Variants in SEMA3B observed in about 807,000 individuals in gnomAD.
The protein encoded by SEMA3B is semaphorin 3B, also known as semaphorin-3B.
SEMA3B carries 71 observed loss-of-function variants against 77.8 expected under a neutral mutation model. The ratio of observed to expected loss-of-function variants is 0.91; its 90% CI spans 0.75 to 1.11. The LOEUF (loss-of-function observed/expected upper bound fraction) is 1.11. SEMA3B is among the 50% of genes most tolerant of loss of function. SEMA3B has a pLI of 0.00. For missense variants in SEMA3B, 968 were observed against 1,056.8 expected, an observed-to-expected ratio of 0.92 and a Z score of 1.17; for synonymous variants, 470 against 452.9, an observed-to-expected ratio of 1.04 and a Z score of -0.48.
chr3:50,274,256 G>T lies in SEMA3B; in HGVS notation c.1138-107G>T. On this transcript the variant is annotated intron_variant, in intron 10 of 16. Transcript: ENST00000616701. The surrounding 1 kb of genome is among the most constrained non-coding windows in gnomAD (Gnocchi z 4.7). ...TCTCCTCTCTAATTCTCAGGGCAGG[G>T]TTCTGTCCCCATCCCCCTCCATGTT... 3 of 1,238,700 alleles carry T rather than the reference G, an allele frequency of 2.4e-6. No homozygotes were observed. Among genetic ancestry groups the T allele is most frequent in the South Asian group, 1.5e-5 (1 of 65,950 alleles). The allele number at this position is 1,238,700 out of a possible 1,614,324, so 76.7% of individuals were successfully genotyped here. A position where few individuals can be genotyped will look rare whatever the true frequency, so the allele number is the denominator to read the frequency against.
chr3:50,270,726 G>T lies in SEMA3B; in HGVS notation c.331-164G>T. The T allele has an allele frequency of 7.9e-7, 1 of 1,268,182 alleles. No homozygotes were observed. 78.6% of individuals were successfully genotyped at this position (1,268,182 alleles called of 1,614,324 possible). A position where few individuals can be genotyped will look rare whatever the true frequency, so the allele number is the denominator to read the frequency against. On this transcript the variant is annotated intron_variant, in intron 3 of 16. Transcript: ENST00000616701. This position sits in a 1 kb window ranked among gnomAD's most constrained non-coding sequence, Gnocchi z 4.7. Reference sequence around the variant, plus strand: ...TGTGCTTCCCCAGACACCCACCCTCGTGAGGCCTGGGCTGGTCAGCAAGGG... The same window carrying T: ...TGTGCTTCCCCAGACACCCACCCTCTTGAGGCCTGGGCTGGTCAGCAAGGG...
rs993504085 is a variant in SEMA3B, at chr3:50,271,122, A to G, written c.485A>G (p.Glu162Gly). The G allele has an allele frequency of 1.9e-6, 3 of 1,584,916 alleles. No homozygotes were observed. The highest frequency in any genetic ancestry group is 2.6e-6 in the Non-Finnish European group (3 of 1,165,682). Residue 162 changes from glutamate (E) to glycine (G), a missense_variant, in exon 5 of 17, where the codon GAG (glutamate) becomes GGG (glycine). Transcript: ENST00000616701. ...CTCCGGCTGGACCCAGGAAGGATAG[A>G]GGATGGCAAGGGGAAGAGTCCTTAT... ...PVLRLDPGRIEDGKGKSPYDP... is the reference protein window; with the variant it reads ...PVLRLDPGRIGDGKGKSPYDP...
In SEMA3B at chr3:50,276,334, C is replaced by G. The variant is rs1553706698; in HGVS notation, c.1878C>G (p.Ala626=). 1 of 1,528,702 alleles carries G rather than the reference C, an allele frequency of 6.5e-7. No homozygotes were observed. Among genetic ancestry groups the G allele is most frequent in the East Asian group, 2.5e-5 (1 of 40,510 alleles). 94.7% of individuals were successfully genotyped at this position (1,528,702 alleles called of 1,614,324 possible). The change falls in exon 17 of 17, where the codon GCC becomes GCG. Residue 626 remains alanine (A), a synonymous_variant. Transcript: ENST00000616701. The surrounding 1 kb of genome is among the most constrained non-coding windows in gnomAD (Gnocchi z 5.8). ...VLAEERTERT[A]RGLLLRRLRR... ...CAGAGGAGCGCACCGAGCGCACCGC[C>G]CGGGGACTACTGCTGCGCAGGCTGC... is the stretch of plus-strand genomic sequence containing the variant.
chr3:50,275,335 GC>G lies in SEMA3B; in HGVS notation c.1528del (p.Gln510ArgfsTer48). The G allele has an allele frequency of 6.3e-7, 1 of 1,580,088 alleles. No homozygotes were observed. ...GTACGTAGCCTCGCGGAGCGCGGTG[GC>G]CCAGATCGCGTTGCACCGCTGCGCT... ...QLYVASRSAV[A>X]QIALHRCAAH... is the part of the protein sequence containing the mutation. On this transcript the variant is annotated frameshift_variant, in exon 14 of 17. Transcript: ENST00000616701. LOFTEE classifies it high-confidence loss of function. The surrounding 1 kb of genome is among the most constrained non-coding windows in gnomAD (Gnocchi z 7.5).
upstream of SEMA3B, chr3:50,266,602 G>A (rs1245527206): frequency 6.6e-6 from 1 of 152,302 alleles, no homozygotes; most frequent in Non-Finnish European, 1.5e-5. Flanking sequence ...GGAGGTGGTA[G>A]GAAAATGCCT....
At position 50,274,930 on chromosome 3, in the gene SEMA3B, T is replaced by A. The variant is rs1701181319; in HGVS notation, c.1445T>A (p.Phe482Tyr). 2 of 1,608,948 alleles carry A rather than the reference T, an allele frequency of 1.2e-6. No homozygotes were observed. The highest frequency in any genetic ancestry group is 1.7e-5 in the Admixed American group (1 of 59,738). ...CTGCTCCTGGAGGAGCTGCACGTGTTTGAGGTGAGGCCTCACCCCCAGTCG... is the reference window on the plus strand; with the variant it reads ...CTGCTCCTGGAGGAGCTGCACGTGTATGAGGTGAGGCCTCACCCCCAGTCG... Reference protein sequence around the residue: ...EGLLLEELHVFEDSAAVTSMQ... With the variant: ...EGLLLEELHVYEDSAAVTSMQ... Residue 482 changes from phenylalanine (F) to tyrosine (Y), a missense_variant, in exon 12 of 17, where the codon TTT (phenylalanine) becomes TAT (tyrosine). Physicochemically the swap from Phe to Tyr is conservative, Grantham distance 22. Coordinates refer to ENST00000616701, the MANE Select transcript of SEMA3B (RefSeq NM_001290060.2). This position sits in a 1 kb window ranked among gnomAD's most constrained non-coding sequence, Gnocchi z 4.7.
At position 50,274,134 on chromosome 3, in the gene SEMA3B, G is replaced by C. The variant is rs1192713003; in HGVS notation, c.1137+77G>C. The C allele has an allele frequency of 6.4e-7, 1 of 1,562,424 alleles. No homozygotes were observed. Among genetic ancestry groups the C allele is most frequent in the African/African-American group, 1.4e-5 (1 of 72,050 alleles). The stretch of plus-strand genomic sequence containing the variant: ...TGAGAACTTGGCCTGGGGTCTTCTT[G>C]GTGAATGTGGTTTCTTCCTTTAGTT... On this transcript the variant is annotated intron_variant, in intron 10 of 16. Transcript: ENST00000616701. This position sits in a 1 kb window ranked among gnomAD's most constrained non-coding sequence, Gnocchi z 4.7.
chr3:50,269,103 C>A (rs1235522530), upstream of SEMA3B: 1 of 657,884 alleles, frequency 1.5e-6, no homozygotes, highest in Non-Finnish European at 2.7e-6. The surrounding 1 kb of genome is among the most constrained non-coding windows in gnomAD (Gnocchi z 4.0). Context: ...TAATCTGATC[C>A]CTGGGGACTC....
In SEMA3B at chr3:50,274,909, T is replaced by A; in HGVS notation, c.1424T>A (p.Leu475His). The A allele has an allele frequency of 6.2e-6, 10 of 1,610,498 alleles. No homozygotes were observed. The highest frequency in any genetic ancestry group is 7.6e-6 in the Non-Finnish European group (9 of 1,179,610). ...KGSRPSAEGL[L>H]LEELHVFEDS... is the part of the protein sequence containing the mutation. ...AGTAGGCCCAGCGCAGAGGGGCTGC[T>A]CCTGGAGGAGCTGCACGTGTTTGAG... The change falls in exon 12 of 17, where the codon CTC becomes CAC. Residue 475 changes from leucine to histidine, a missense_variant. Physicochemically the swap from Leu to His is moderately conservative, Grantham distance 99 (BLOSUM62 -3). Transcript: ENST00000616701. This position sits in a 1 kb window ranked among gnomAD's most constrained non-coding sequence, Gnocchi z 4.7.
At position 50,276,406 on chromosome 3, in the gene SEMA3B, C is replaced by T. The variant is rs1559792185; in HGVS notation, c.1950C>T (p.Gly650=). The change falls in exon 17 of 17, where the codon GGC becomes GGT. Residue 650 remains glycine (G), a synonymous_variant. Transcript: ENST00000616701. The surrounding 1 kb of genome is among the most constrained non-coding windows in gnomAD (Gnocchi z 5.8). ...ACTTGTGCGCCGCCGTCGAGCAGGG[C>T]TTTACGCAACCGCTGCGTCGCCTGT... ...GVYLCAAVEQ[G]FTQPLRRLSL... The T allele has an allele frequency of 2.0e-6, 3 of 1,536,644 alleles. No homozygotes were observed. The highest frequency in any genetic ancestry group is 1.7e-6 in the Non-Finnish European group (2 of 1,145,956).
chr3:50,260,915 A>C, the SEMA3B span: 1 of 152,300 alleles, frequency 6.6e-6, no homozygotes, highest in African/African-American at 2.4e-5. Flanking sequence ...TTTCCAGGGC[A>C]TAAGGCTCCA....
At chr3:50,271,661 C>T (rs587703379) in intron 6 of SEMA3B, among the ~76,000 whole-genome samples, 181 bp downstream of exon 6, 1 of 152,162 alleles carries the variant, frequency 6.6e-6, no homozygotes, top group Non-Finnish European at 1.5e-5. Context: ...TCTTTGAGTT[C>T]ACAGATCACA....
chr3:50,269,406 C>A lies in SEMA3B; in HGVS notation c.109+57C>A. On this transcript the variant is annotated intron_variant, in intron 1 of 16. Transcript: ENST00000616701. The surrounding 1 kb of genome is among the most constrained non-coding windows in gnomAD (Gnocchi z 4.0). ...CTTGAGGTGGGCAGGAAAGGGTCCC[C>A]GTATGGCCAGGGGGCTCTGTGTTGG... The A allele has an allele frequency of 1.9e-6, 2 of 1,061,736 alleles. No individual in the cohort carries two copies. Among genetic ancestry groups the A allele is most frequent in the South Asian group, 3.3e-5 (2 of 61,094 alleles). 65.8% of individuals were successfully genotyped at this position (1,061,736 alleles called of 1,614,324 possible).
Position 50,271,139 on chromosome 3 carries a change from A to C in SEMA3B, c.502A>C (p.Ser168Arg). Residue 168 changes from serine (S) to arginine (R), a missense_variant, in exon 5 of 17, where the codon AGT becomes CGT. Physicochemically the swap from Ser to Arg is moderately radical, Grantham distance 110. Coordinates refer to ENST00000616701, the MANE Select transcript of SEMA3B (RefSeq NM_001290060.2). ...PGRIEDGKGK[S>R]PYDPRHRAAS... Reference sequence around the variant, plus strand: ...AAGGATAGAGGATGGCAAGGGGAAGAGTCCTTATGACCCCAGGCATCGGGC... The same window carrying C: ...AAGGATAGAGGATGGCAAGGGGAAGCGTCCTTATGACCCCAGGCATCGGGC... The C allele has an allele frequency of 6.3e-7, 1 of 1,585,164 alleles. No individual in the cohort carries two copies. Among genetic ancestry groups the C allele is most frequent in the African/African-American group, 1.3e-5 (1 of 74,452 alleles).
Position 50,270,617 on chromosome 3 carries a change from CT to C in SEMA3B, c.330+123del. Reference sequence around the variant, plus strand: ...GATGAGGGCAGGGAGGTCGAGGTGGCTGAGGTCTGGGGGTGGTGAGTCAGGG... The same window carrying C: ...GATGAGGGCAGGGAGGTCGAGGTGGCGAGGTCTGGGGGTGGTGAGTCAGGG... On this transcript the variant is annotated intron_variant, in intron 3 of 16. Coordinates refer to ENST00000616701, the MANE Select transcript of SEMA3B (RefSeq NM_001290060.2). The surrounding 1 kb of genome is among the most constrained non-coding windows in gnomAD (Gnocchi z 4.7). The C allele has an allele frequency of 7.2e-7, 1 of 1,397,736 alleles. No homozygotes were observed. Among genetic ancestry groups the C allele is most frequent in the Non-Finnish European group, 9.8e-7 (1 of 1,017,668 alleles). 86.6% of individuals were successfully genotyped at this position (1,397,736 alleles called of 1,614,324 possible).
At position 50,271,118 on chromosome 3, in the gene SEMA3B, A is replaced by G. The variant is rs587622050; in HGVS notation, c.481A>G (p.Ile161Val). ...EPVLRLDPGR[I>V]EDGKGKSPYD... ...CGTCCTCCGGCTGGACCCAGGAAGG[A>G]TAGAGGATGGCAAGGGGAAGAGTCC... The change falls in exon 5 of 17, where the codon ATA (isoleucine) becomes GTA (valine). Residue 161 changes from isoleucine (I) to valine (V), a missense_variant. Transcript: ENST00000616701. The G allele has an allele frequency of 1.2e-5, 19 of 1,584,812 alleles. No homozygotes were observed. In the East Asian group the frequency reaches 4.4e-4, roughly 36 times the overall value.
chr3:50,269,618 C>G lies in SEMA3B; in HGVS notation c.109+269C>G, dbSNP rs181415341. Reference sequence around the variant, plus strand: ...CTTGTCTCTGTTCCGTTCAGTACCCCCAACAAGGCGATACTCCTTCAGCAG... The same window carrying G: ...CTTGTCTCTGTTCCGTTCAGTACCCGCAACAAGGCGATACTCCTTCAGCAG... On this transcript the variant is annotated intron_variant, in intron 1 of 16. Transcript: ENST00000616701. This position sits in a 1 kb window ranked among gnomAD's most constrained non-coding sequence, Gnocchi z 4.0. Among the ~76,000 whole-genome samples, 1 of 152,336 alleles carries G rather than the reference C, an allele frequency of 6.6e-6. No individual in the cohort carries two copies. Among genetic ancestry groups the G allele is most frequent in the Non-Finnish European group, 1.5e-5 (1 of 68,028 alleles).
rs377024150 is a variant in SEMA3B, at chr3:50,276,601, G to C, written c.2145G>C (p.Ala715=). ...TGCGCATGTGCCGCCCGCAGCCTGCGCTGCAGTCACTGCCCCTGGAGTCGC... is the reference window on the plus strand; with the variant it reads ...TGCGCATGTGCCGCCCGCAGCCTGCCCTGCAGTCACTGCCCCTGGAGTCGC... ...NSLRMCRPQP[A]LQSLPLESRR... is the part of the protein sequence containing the mutation. The change falls in exon 17 of 17, where the codon GCG becomes GCC. Residue 715 remains alanine (A), a synonymous_variant. Coordinates refer to ENST00000616701, the MANE Select transcript of SEMA3B (RefSeq NM_001290060.2). The surrounding 1 kb of genome is among the most constrained non-coding windows in gnomAD (Gnocchi z 5.8). 2 of 1,580,700 alleles carry C rather than the reference G, an allele frequency of 1.3e-6. No homozygotes were observed. The highest frequency in any genetic ancestry group is 1.8e-5 in the Admixed American group (1 of 56,500).
In SEMA3B at chr3:50,277,030, C is replaced by G. The variant is rs1701281169; in HGVS notation, c.*324C>G. ...GCCCACCCTGGGAGACAGACCCCAC[C>G]TCCTTGGGTAGTGAGCAGTGAGCAG... On this transcript the variant is annotated 3_prime_UTR_variant, in exon 17 of 17. Transcript: ENST00000616701. 1.1e-5 allele frequency: 4 copies of G among 356,910 alleles called. No individual in the cohort carries two copies. The highest frequency in any genetic ancestry group is 7.3e-4 in the Middle Eastern group (1 of 1,374). 22.1% of individuals were successfully genotyped at this position (356,910 alleles called of 1,614,324 possible).
Sources: allele counts gnomAD v4.1 joint callset (sites outside exome capture counted in the v4.1 genomes callset), GRCh38; gene constraint gnomAD v4.1.1; non-coding constraint Gnocchi (gnomAD v3.1); transcripts MANE v1.5; gene names NCBI Gene and HGNC (gene_info 2026-07-23, HGNC 2026-07-21).